The following PLXNA4 variants were observed in gnomAD, a reference collection of about 807,000 sequenced individuals.
The protein encoded by PLXNA4 is plexin-A4.
In PLXNA4, 44 loss-of-function variants were observed where a neutral mutation model predicts 191.8. The ratio of observed to expected loss-of-function variants is 0.23; its 90% CI spans 0.18 to 0.29. The LOEUF is 0.29. Among genes scored for constraint, PLXNA4 ranks in the 10% least tolerant of loss-of-function variants. PLXNA4 has a pLI of 1.00. For missense variants in PLXNA4, 1,800 were observed against 2,488.8 expected (o/e 0.72, Z 5.89); for synonymous variants, 1,082 against 1,009.5 (o/e 1.07, Z -1.36).
chr7:132,504,592 A>T (rs1209687026), intron 2 of PLXNA4, among the ~76,000 whole-genome samples: 1 of 152,224 alleles, frequency 6.6e-6, no homozygotes, highest in Non-Finnish European at 1.5e-5. Flanking sequence ...TGTAACTATG[A>T]TAAAACCCAC....
At chr7:132,365,813 A>C (rs1003752813) in intron 3 of PLXNA4, 1 of 152,226 alleles carries the variant, frequency 6.6e-6, no homozygotes, top group Non-Finnish European at 1.5e-5. Flanking sequence ...AGCAAAGCAC[A>C]TTGTGAAGAG....
intron 13 of PLXNA4, among the ~76,000 whole-genome samples, chr7:132,194,407 G>A (rs1232956613): frequency 6.6e-6 from 1 of 152,178 alleles, no homozygotes; most frequent in Non-Finnish European, 1.5e-5. Context: ...CCTAGAAGAG[G>A]GTCCCTGTGT....
intron 3 of PLXNA4, among the ~76,000 whole-genome samples, chr7:132,335,370 G>T (rs1020292070): frequency 6.6e-6 from 1 of 152,174 alleles, no homozygotes; most frequent in African/African-American, 2.4e-5. Flanking sequence ...ATTCTATAAT[G>T]CTATGACTCA....
At chr7:132,642,398 C>G (rs1018739938) in intron 2 of PLXNA4, among the ~76,000 whole-genome samples, 31 of 151,888 alleles carry the variant, frequency 2.0e-4, no homozygotes, top group Admixed American at 7.9e-4. Context: ...TGATTGATTA[C>G]AAGTCTACAG....
chr7:132,362,768 G>A (rs996974558), intron 3 of PLXNA4, among the ~76,000 whole-genome samples: 2 of 152,034 alleles, frequency 1.3e-5, no homozygotes, highest in Middle Eastern at 3.2e-3. Context: ...TGAGTCACAG[G>A]CCCTATCATT....
rs1288383280 is a variant in PLXNA4, at chr7:132,394,382, AC to A, written c.1371+94909del. Among the ~76,000 whole-genome samples the A allele has an allele frequency of 2.0e-5, 3 of 152,146 alleles. No individual in the cohort carries two copies. The East Asian group carries it at 5.8e-4, about 29-fold the overall frequency. ...AATGTGATCAGGAGTGAGAAGTGAA[AC>A]AAACACTAGATTAAGAGTTAGGAAC... is the stretch of plus-strand genomic sequence containing the variant. On this transcript the variant is annotated intron_variant, in intron 3 of 31. Coordinates refer to ENST00000321063, the MANE Select transcript of PLXNA4 (RefSeq NM_020911.2).
chr7:132,594,065 G>T (rs1052422522), intron 2 of PLXNA4, among the ~76,000 whole-genome samples: 2 of 152,184 alleles, frequency 1.3e-5, no homozygotes, highest in African/African-American at 4.8e-5. Context: ...CACTGTTGTG[G>T]GTTGAATTGT....
intron 3 of PLXNA4, among the ~76,000 whole-genome samples, chr7:132,370,015 C>T (rs1040974106): frequency 9.3e-5 from 14 of 150,106 alleles, no homozygotes; most frequent in Admixed American, 4.0e-4. Flanking sequence ...TTGCAGTGAG[C>T]CAAGATCGCA....
chr7:132,528,321 C>T (rs1450516763), intron 1 of PLXNA4, among the ~76,000 whole-genome samples: 1 of 152,182 alleles, frequency 6.6e-6, no homozygotes, highest in Non-Finnish European at 1.5e-5. Flanking sequence ...CCTCCTAGTC[C>T]CGATCCATGC....
intron 2 of PLXNA4, among the ~76,000 whole-genome samples, chr7:132,609,215 G>A (rs956355900): frequency 1.3e-5 from 2 of 152,142 alleles, no homozygotes; most frequent in Non-Finnish European, 2.9e-5. Context: ...TTCTTTGAGT[G>A]CAGAGCCAGT....
intron 4 of PLXNA4, among the ~76,000 whole-genome samples, chr7:132,255,288 A>T (rs918886039): frequency 4.6e-5 from 7 of 152,172 alleles, no homozygotes; most frequent in Non-Finnish European, 8.8e-5. Flanking sequence ...TGATGCTTAG[A>T]TCTTAACTCT....
intron 2 of PLXNA4, among the ~76,000 whole-genome samples, chr7:132,602,894 G>A (rs1000516038): frequency 6.6e-6 from 1 of 151,748 alleles, no homozygotes; most frequent in South Asian, 2.1e-4. Context: ...AATGCCATCG[G>A]GAAGTGTTAG....
chr7:132,242,152 T>TG (rs34281619), intron 4 of PLXNA4, among the ~76,000 whole-genome samples: 3 of 130,112 alleles, frequency 2.3e-5, no homozygotes, highest in South Asian at 4.8e-4. Flanking sequence ...ACAAAAAGTA[T>TG]TTTTTTTTTT....
intron 1 of PLXNA4, among the ~76,000 whole-genome samples, chr7:132,568,315 A>C (rs115036141): frequency 6.6e-6 from 1 of 152,258 alleles, no homozygotes; most frequent in African/African-American, 2.4e-5. Context: ...TAAGCCCCAA[A>C]ACATTAGAAA....
chr7:132,252,303 T>G (rs1020858006), intron 4 of PLXNA4, among the ~76,000 whole-genome samples: 1 of 20,132 alleles, frequency 5.0e-5, no homozygotes, highest in East Asian at 1.8e-3. Context: ...CTAAAAGTTT[T>G]TTTTTTTTTT....
chr7:132,427,452 T>G (rs182631743), intron 3 of PLXNA4, among the ~76,000 whole-genome samples: 41 of 152,194 alleles, frequency 2.7e-4, no homozygotes, highest in African/African-American at 9.6e-4. Flanking sequence ...GGAAGAGAAA[T>G]AACTACACAG....
intron 25 of PLXNA4, among the ~76,000 whole-genome samples, chr7:132,149,280 G>A (rs977886811): frequency 6.6e-6 from 1 of 152,112 alleles, no homozygotes. Flanking sequence ...ACACCTAATT[G>A]TTTGATGTTA....
At chr7:132,334,260 T>C (rs1299838175) in intron 3 of PLXNA4, among the ~76,000 whole-genome samples, 1 of 139,272 alleles carries the variant, frequency 7.2e-6, no homozygotes, top group East Asian at 2.0e-4. Flanking sequence ...TTCTTTTTTT[T>C]TTTTTTTTTT....
At chr7:132,322,673 T>C (rs77242424) in intron 3 of PLXNA4, among the ~76,000 whole-genome samples, 487 of 152,316 alleles carry the variant, frequency 3.2e-3, no homozygotes, top group African/African-American at 0.01. Flanking sequence ...AGTTGCTCCG[T>C]CACTATCACT....
Sources: gnomAD v4.1 joint callset for allele counts (sites outside exome capture counted in the v4.1 genomes callset) on GRCh38, gnomAD v4.1.1 for gene constraint, MANE v1.5 for transcripts, NCBI Gene and HGNC (gene_info 2026-07-23, HGNC 2026-07-21) for gene names.